GUF1: variants seen among roughly 807,000 people sequenced by gnomAD.
GUF1 encodes the protein translation factor GUF1, mitochondrial.
GUF1 carries 78 observed loss-of-function variants against 82.4 expected under a neutral mutation model. The observed-to-expected ratio is 0.95, with a 90% CI of 0.79 to 1.14. The LOEUF is 1.14. GUF1 is among the 50% of genes most tolerant of loss of function. The pLI is 0.00. For synonymous variants in GUF1, 279 were observed against 282.3 expected (o/e 0.99, Z 0.12); for missense variants, 814 against 798.2 (o/e 1.02, Z -0.24).
rs969194968 is a variant in GUF1 at position 44,680,964 on chromosome 4, A to G, written c.426+122A>G. On this transcript the variant is annotated intron_variant, in intron 3 of 16. Transcript: ENST00000281543. Reference sequence around the variant, plus strand: ...ATCTGCCTTTGCTTTTTGTTTTCTCAGTGTTCTTATGTTAGTGTCAGTTGT... The same window carrying G: ...ATCTGCCTTTGCTTTTTGTTTTCTCGGTGTTCTTATGTTAGTGTCAGTTGT... 4.5e-6 allele frequency: 5 copies of G among 1,114,012 alleles called. No homozygotes were observed. In the African/African-American group the frequency reaches 6.3e-5, roughly 14 times the overall value. 69.0% of individuals were successfully genotyped at this position (1,114,012 alleles called of 1,614,324 possible). A position where few individuals can be genotyped will look rare whatever the true frequency, so the allele number is the denominator to read the frequency against.
Position 44,693,255 on chromosome 4 carries a change from T to C in GUF1, c.1614-1157T>C, listed in dbSNP as rs142874485. 1.3e-3 allele frequency among the ~76,000 whole-genome samples: 204 copies of C among 152,172 alleles called. 1 individual carries two copies. Among genetic ancestry groups the C allele is most frequent in the African/African-American group, 4.4e-3 (183 of 41,570 alleles). ...TTCTAAGGAAACACTAGAATACCTA[T>C]GTTTTCAATAGAGGTTAGGTATCAA... is the stretch of plus-strand genomic sequence containing the variant. On this transcript the variant is annotated intron_variant, in intron 13 of 16. Transcript: ENST00000281543.
rs776320452 is a variant in GUF1 at position 44,690,743 on chromosome 4, T to G, written c.1362T>G (p.Ile454Met). 18 of 1,579,546 alleles carry G rather than the reference T, an allele frequency of 1.1e-5. No homozygotes were observed. In the East Asian group the frequency reaches 1.8e-4, roughly 16 times the overall value. ...AACATAGAGAAAAAGAAATTACAAT[T>G]ATCAATCCTGCACAATTCCCCGATA... ...IKEHREKEITIINPAQFPDKS... is the reference protein window; with the variant it reads ...IKEHREKEITMINPAQFPDKS... Residue 454 changes from isoleucine to methionine, a missense_variant, in exon 12 of 17, where the codon ATT (isoleucine) becomes ATG (methionine). Physicochemically the swap from Ile to Met is conservative, Grantham distance 10 (BLOSUM62 1). Transcript: ENST00000281543.
At chr4:44,698,335 C>T (rs1203636271) in intron 16 of GUF1, among the ~76,000 whole-genome samples, 2 of 151,824 alleles carry the variant, frequency 1.3e-5, no homozygotes, top group African/African-American at 4.8e-5. Context: ...ACTAGGTTTC[C>T]TTGGGAATCT....
intron 16 of GUF1, 80 bp from the exon 17 acceptor site, chr4:44,698,464 T>C: frequency 9.2e-6 from 10 of 1,089,030 alleles, no homozygotes; most frequent in Non-Finnish European, 1.2e-5. Context: ...GTTGTTAAGG[T>C]TGTACTGATG....
intron 8 of GUF1, 49 bp downstream of exon 8, chr4:44,686,762 A>G (rs182167511): frequency 9.5e-6 from 12 of 1,260,990 alleles, no homozygotes; most frequent in Non-Finnish European, 1.2e-6. Flanking sequence ...ATGTGGTTCT[A>G]TTTCTGCATT....
intron 12 of GUF1, 62 bp downstream of exon 12, chr4:44,690,922 A>T: frequency 8.0e-7 from 1 of 1,253,726 alleles, no homozygotes; most frequent in Non-Finnish European, 1.1e-6. Flanking sequence ...AGTGATTTCC[A>T]ACTCAGGTTT....
intron 4 of GUF1, chr4:44,682,120 AT>A (rs1179330396): frequency 2.0e-5 from 7 of 347,484 alleles, no homozygotes; most frequent in African/African-American, 1.5e-4. Flanking sequence ...ACTTGATGTG[AT>A]TATTGCTTTA....
At chr4:44,692,218 T>G (rs764168974) in intron 13 of GUF1, among the ~76,000 whole-genome samples, 12 of 151,916 alleles carry the variant, frequency 7.9e-5, no homozygotes, top group Non-Finnish European at 1.3e-4. Flanking sequence ...CTGTAAAAAA[T>G]GTTAGATGTG....
At chr4:44,688,649 A>G (rs1715222348) in intron 9 of GUF1, among the ~76,000 whole-genome samples, 1 of 151,842 alleles carries the variant, frequency 6.6e-6, no homozygotes, top group Non-Finnish European at 1.5e-5. Context: ...TCATCAGGTT[A>G]CTCTGTGCTG....
rs1114106 is a variant in GUF1 at position 44,699,832 on chromosome 4, G to A, written c.*1151G>A. The A allele has an allele frequency of 4.6e-5, 7 of 152,144 alleles. No individual in the cohort carries two copies. Among genetic ancestry groups the A allele is most frequent in the African/African-American group, 7.2e-5 (3 of 41,434 alleles). 9.4% of individuals were successfully genotyped at this position (152,144 alleles called of 1,614,324 possible). A position where few individuals can be genotyped will look rare whatever the true frequency, so the allele number is the denominator to read the frequency against. ...GAGCTGTCTTTCAGACATTCAAAAC[G>A]CATTTGTGTAAAATGACAGGTGTTT... On this transcript the variant is annotated 3_prime_UTR_variant, in exon 17 of 17. Transcript: ENST00000281543.
In GUF1 at chr4:44,694,414, T is replaced by C. The variant is rs1361450726; in HGVS notation, c.1616T>C (p.Phe539Ser). Residue 539 changes from phenylalanine (F) to serine (S), a missense_variant and splice_region_variant, in exon 14 of 17, where the codon TTT (phenylalanine) becomes TCT (serine). Physicochemically the swap from Phe to Ser is radical, Grantham distance 155. Transcript: ENST00000281543. ...LKSLSSGYAS[F>S]DYEDAGYQTA... is the part of the protein sequence containing the mutation. Reference sequence around the variant, plus strand: ...CACTTGGACTTTTTTCCTTTTAGTTTTGATTACGAAGATGCAGGCTACCAG... The same window carrying C: ...CACTTGGACTTTTTTCCTTTTAGTTCTGATTACGAAGATGCAGGCTACCAG... The C allele has an allele frequency of 3.1e-6, 5 of 1,603,898 alleles. No homozygotes were observed. Among genetic ancestry groups the C allele is most frequent in the Non-Finnish European group, 4.3e-6 (5 of 1,171,452 alleles).
rs749991044 is a variant in GUF1, at chr4:44,680,684, C to A, written c.278-10C>A. On this transcript the variant is annotated splice_polypyrimidine_tract_variant and intron_variant, in intron 2 of 16. Transcript: ENST00000281543. ...CCCAGAGAAATATCAATAAGTGTTT[C>A]TGTTTATAGGGACAATTGATAAAAC... is the stretch of plus-strand genomic sequence containing the variant. 1 of 1,549,868 alleles carries A rather than the reference C, an allele frequency of 6.5e-7. No homozygotes were observed. Among genetic ancestry groups the A allele is most frequent in the Non-Finnish European group, 8.7e-7 (1 of 1,142,922 alleles).
rs1333559808 is a variant in GUF1 at position 44,682,252 on chromosome 4, T to G, written c.508-82T>G. ...ATAACGCAAAATCTCTTGATGAAGA[T>G]GTATAGAATGGTCTTAAATTACAAG... On this transcript the variant is annotated intron_variant, in intron 4 of 16. Transcript: ENST00000281543. 4.8e-6 allele frequency: 3 copies of G among 619,254 alleles called. No homozygotes were observed. The East Asian group carries it at 9.3e-5, about 19-fold the overall frequency. 38.4% of individuals were successfully genotyped at this position (619,254 alleles called of 1,614,324 possible). A position where few individuals can be genotyped will look rare whatever the true frequency, so the allele number is the denominator to read the frequency against.
chr4:44,696,569 T>G (rs1283119060), intron 15 of GUF1, among the ~76,000 whole-genome samples: 1 of 152,206 alleles, frequency 6.6e-6, no homozygotes, highest in African/African-American at 2.4e-5. Context: ...TCCTCAGTTA[T>G]GAAAAGCTGG....
intron 1 of GUF1, 38 bp downstream of exon 1, chr4:44,678,825 A>G: frequency 1.3e-6 from 2 of 1,533,390 alleles, no homozygotes; most frequent in Non-Finnish European, 8.7e-7. Context: ...CCAAGTTTTC[A>G]AACGTTGGAG....
chr4:44,680,085 G>T (rs542389544), intron 1 of GUF1, among the ~76,000 whole-genome samples: 12 of 152,132 alleles, frequency 7.9e-5, no homozygotes, highest in Admixed American at 7.2e-4. Flanking sequence ...CAGCTTTTCT[G>T]TAGCTCCATT....
chr4:44,681,589 C>T (rs1338582286), intron 4 of GUF1, among the ~76,000 whole-genome samples: 3 of 151,936 alleles, frequency 2.0e-5, no homozygotes, highest in Non-Finnish European at 4.4e-5. Flanking sequence ...GATTTTAAGG[C>T]AATAATTTGG....
chr4:44,694,008 T>C, intron 13 of GUF1: 1 of 171,352 alleles, frequency 5.8e-6, no homozygotes, highest in South Asian at 1.4e-4. Flanking sequence ...TATTTAAACA[T>C]AGAGTTGTCA....
intron 6 of GUF1, among the ~76,000 whole-genome samples, chr4:44,684,663 G>A (rs1714949865): frequency 6.6e-6 from 1 of 152,102 alleles, no homozygotes. Context: ...ATATGAAAAG[G>A]AGATTATGAT....
Sources: gnomAD v4.1 joint callset for allele counts (sites outside exome capture counted in the v4.1 genomes callset) on GRCh38, gnomAD v4.1.1 for gene constraint, MANE v1.5 for transcripts, NCBI Gene and HGNC (gene_info 2026-07-23, HGNC 2026-07-21) for gene names.